SORBS2: variants seen among roughly 807,000 people sequenced by gnomAD.
SORBS2 encodes the protein sorbin and SH3 domain containing 2, also known as sorbin and SH3 domain-containing protein 2.
In SORBS2, 46 loss-of-function variants were observed where a neutral mutation model predicts 97.7. That is an observed-to-expected ratio of 0.47 (90% CI 0.37 to 0.60). SORBS2 has a LOEUF of 0.60. SORBS2 is among the 20% of genes least tolerant of loss of function. The pLI is 0.00. For synonymous variants in SORBS2, 476 were observed against 473.4 expected, an observed-to-expected ratio of 1.01 and a Z score of -0.07; for missense variants, 1,316 against 1,282.3, an observed-to-expected ratio of 1.03 and a Z score of -0.40.
At chr4:185,794,008 G>C (rs1251861611) in intron 1 of SORBS2, among the ~76,000 whole-genome samples, 3 of 152,154 alleles carry the variant, frequency 2.0e-5, no homozygotes, top group Admixed American at 6.5e-5. Context: ...AATTGGAGGA[G>C]CCCTGCCTTT....
chr4:185,926,550 G>GT (rs869067285), intron 1 of SORBS2, among the ~76,000 whole-genome samples: 7 of 134,644 alleles, frequency 5.2e-5, no homozygotes, highest in Admixed American at 2.2e-4. Flanking sequence ...TCAAGTTGTG[G>GT]TTTTGTTTTT....
At chr4:185,590,342 A>G in intron 13 of SORBS2, among the ~76,000 whole-genome samples, 1 of 152,204 alleles carries the variant, frequency 6.6e-6, no homozygotes, top group Non-Finnish European at 1.5e-5. Context: ...ATTACTATAC[A>G]AAGGAAAATT....
At chr4:185,764,361 T>C (rs575188351) in intron 2 of SORBS2, among the ~76,000 whole-genome samples, 9 of 152,308 alleles carry the variant, frequency 5.9e-5, no homozygotes, top group African/African-American at 2.2e-4. Flanking sequence ...TAAAACATAA[T>C]GACAAACTAT....
chr4:185,859,878 G>A (rs957870546), intron 1 of SORBS2, among the ~76,000 whole-genome samples: 1 of 152,200 alleles, frequency 6.6e-6, no homozygotes, highest in Non-Finnish European at 1.5e-5. Flanking sequence ...GGTGCTTAGA[G>A]ACAATGAACA....
intron 1 of SORBS2, among the ~76,000 whole-genome samples, chr4:185,848,570 T>C (rs185371081): frequency 4.1e-4 from 61 of 150,470 alleles, no homozygotes; most frequent in Admixed American, 1.3e-3. Context: ...AGTATTCTAG[T>C]GGTTCAGAAT....
chr4:185,718,022 G>T (rs938609704), intron 2 of SORBS2, among the ~76,000 whole-genome samples: 4 of 152,226 alleles, frequency 2.6e-5, no homozygotes, highest in African/African-American at 9.6e-5. Context: ...CTTGAGGTCA[G>T]GAGTTCCAGA....
At chr4:185,699,155 A>G (rs2098221863) in intron 2 of SORBS2, among the ~76,000 whole-genome samples, 1 of 152,150 alleles carries the variant, frequency 6.6e-6, no homozygotes, top group African/African-American at 2.4e-5. Flanking sequence ...CAGATATGCA[A>G]TGGTGAAATC....
intron 2 of SORBS2, among the ~76,000 whole-genome samples, chr4:185,763,444 C>G (rs1361089234): frequency 6.6e-6 from 1 of 152,198 alleles, no homozygotes; most frequent in East Asian, 1.9e-4. Context: ...CCCCCCACCT[C>G]ATCACATTTC....
chr4:185,645,608 T>C (rs2097194942), intron 4 of SORBS2: 1 of 152,230 alleles, frequency 6.6e-6, no homozygotes, highest in Non-Finnish European at 1.5e-5. Context: ...GGCTAGAGTT[T>C]CCAATTAAAC....
At chr4:185,626,538 C>T (rs1581258980) in intron 6 of SORBS2, among the ~76,000 whole-genome samples, 1 of 152,134 alleles carries the variant, frequency 6.6e-6, no homozygotes, top group Non-Finnish European at 1.5e-5. Context: ...CAAAATACAT[C>T]TTTTAGTAGC....
intron 2 of SORBS2, among the ~76,000 whole-genome samples, chr4:185,683,981 C>T (rs1057069984): frequency 6.6e-6 from 1 of 151,946 alleles, no homozygotes; most frequent in African/African-American, 2.4e-5. Flanking sequence ...AAAAAACAAG[C>T]AGTCCCCAAA....
rs1254602424 is a variant in SORBS2 at position 185,704,714 on chromosome 4, GTTTT to G, written c.-197-25896_-197-25893del. 1.7e-3 allele frequency among the ~76,000 whole-genome samples: 259 copies of G among 152,154 alleles called. 2 individuals carry two copies. Among genetic ancestry groups the G allele is most frequent in the African/African-American group, 6.0e-3 (249 of 41,430 alleles). On this transcript the variant is annotated intron_variant, in intron 2 of 20. Coordinates refer to the SORBS2 transcript ENST00000284776. ...TGTTCCCTCTCCCTCAACTCTCCAT[GTTTT>G]GAGAAATAAGACAAGAAACATTCAG... is the stretch of plus-strand genomic sequence containing the variant.
chr4:185,699,024 A>G (rs1447377157), intron 2 of SORBS2, among the ~76,000 whole-genome samples: 3 of 152,198 alleles, frequency 2.0e-5, no homozygotes, highest in Non-Finnish European at 4.4e-5. Context: ...TTCTGATTGA[A>G]TACACCTGTT....
At position 185,606,107 on chromosome 4, in the gene SORBS2, G is replaced by A; in HGVS notation, c.2796+5673C>T. ...ATTAGCATTATTATTTTTGCAAAGTGCCGTTATGTCAAAGGTATGGTGTAC... is the reference window on the plus strand; with the variant it reads ...ATTAGCATTATTATTTTTGCAAAGTACCGTTATGTCAAAGGTATGGTGTAC... On this transcript the variant is annotated intron_variant, in intron 12 of 14. Transcript: ENST00000418609. The surrounding 1 kb of genome is among the most constrained non-coding windows in gnomAD (Gnocchi z 4.3). 1 of 985,358 alleles carries A rather than the reference G, an allele frequency of 1.0e-6. No homozygotes were observed. Among genetic ancestry groups the A allele is most frequent in the Non-Finnish European group, 1.2e-6 (1 of 829,898 alleles). 61.0% of individuals were successfully genotyped at this position (985,358 alleles called of 1,614,324 possible). A position where few individuals can be genotyped will look rare whatever the true frequency, so the allele number is the denominator to read the frequency against.
At position 185,724,972 on chromosome 4, in the gene SORBS2, C is replaced by T. The variant is rs188060527; in HGVS notation, c.-197-46150G>A. On this transcript the variant is annotated intron_variant, in intron 2 of 20. Coordinates refer to the SORBS2 transcript ENST00000284776. Reference sequence around the variant, plus strand: ...ATAGTGTCTTTTTCACCATTTATCTCTCACTGCTCCTAGTTCAGCACCTTG... The same window carrying T: ...ATAGTGTCTTTTTCACCATTTATCTTTCACTGCTCCTAGTTCAGCACCTTG... Among the ~76,000 whole-genome samples, 254 of 152,312 alleles carry T rather than the reference C, an allele frequency of 1.7e-3. 2 individuals carry two copies. Among genetic ancestry groups the T allele is most frequent in the African/African-American group, 5.9e-3 (247 of 41,556 alleles).
intron 1 of SORBS2, among the ~76,000 whole-genome samples, chr4:185,871,823 T>C (rs899130529): frequency 7.2e-5 from 11 of 152,176 alleles, no homozygotes; most frequent in Admixed American, 5.9e-4. Context: ...TGAGTTTACA[T>C]TTCCCTGTGC....
chr4:185,759,841 G>A (rs945194693), intron 2 of SORBS2, among the ~76,000 whole-genome samples: 1 of 152,096 alleles, frequency 6.6e-6, no homozygotes, highest in African/African-American at 2.4e-5. Flanking sequence ...TACTAATATA[G>A]TCATTATTTC....
intron 2 of SORBS2, 125 bp from the exon 11 acceptor site, chr4:185,651,953 G>T: frequency 1.6e-6 from 1 of 644,534 alleles, no homozygotes; most frequent in South Asian, 1.8e-5. Context: ...AGTTCATAAT[G>T]CCATTTTCTT....
At chr4:185,646,721 T>C in exon 4 of SORBS2, 1 of 1,614,052 alleles carries the variant, frequency 6.2e-7, no homozygotes, top group Non-Finnish European at 8.5e-7. Context: ...TCAAAAATAC[T>C]CCTTGGCTCA....
Sources: allele counts gnomAD v4.1 joint callset (sites outside exome capture counted in the v4.1 genomes callset), GRCh38; gene constraint gnomAD v4.1.1; non-coding constraint Gnocchi (gnomAD v3.1); transcripts MANE v1.5; gene names NCBI Gene and HGNC (gene_info 2026-07-23, HGNC 2026-07-21).